SMYD3: variants seen among roughly 807,000 people sequenced by gnomAD.
The protein encoded by SMYD3 is histone-lysine N-methyltransferase SMYD3.
SMYD3 carries 36 observed loss-of-function variants against 57.7 expected under a neutral mutation model. That is an observed-to-expected ratio of 0.62 (90% CI 0.48 to 0.82). The LOEUF (loss-of-function observed/expected upper bound fraction) is 0.82. Ranked by LOEUF, SMYD3 falls within the 40% of genes least tolerant of loss-of-function variation. SMYD3 has a pLI of 0.00. For synonymous variants in SMYD3, 211 were observed against 195.0 expected (o/e 1.08, Z -0.68); for missense variants, 515 against 538.8 (o/e 0.96, Z 0.44).
At chr1:246,068,977 G>C (rs964193076) in intron 5 of SMYD3, among the ~76,000 whole-genome samples, 2 of 152,206 alleles carry the variant, frequency 1.3e-5, no homozygotes, top group Non-Finnish European at 2.9e-5. Context: ...ACCAACATGG[G>C]AAGGAGAAGA....
At chr1:246,414,999 G>A (rs1248922539) in intron 1 of SMYD3, among the ~76,000 whole-genome samples, 5 of 152,250 alleles carry the variant, frequency 3.3e-5, no homozygotes, top group African/African-American at 9.6e-5. Context: ...TTACAGGTGT[G>A]AGCCACCGCG....
intron 10 of SMYD3, among the ~76,000 whole-genome samples, chr1:245,829,370 T>A (rs2049702141): frequency 6.6e-6 from 1 of 152,106 alleles, no homozygotes; most frequent in Non-Finnish European, 1.5e-5. Context: ...CTCCTGAGGT[T>A]CCACACTAGG....
At chr1:246,299,825 G>A (rs2064861254) in intron 5 of SMYD3, among the ~76,000 whole-genome samples, 1 of 151,636 alleles carries the variant, frequency 6.6e-6, no homozygotes, top group African/African-American at 2.4e-5. Flanking sequence ...CAGACACTGG[G>A]GCGCACTTGA....
chr1:246,124,714 C>T (rs186838740), intron 5 of SMYD3, among the ~76,000 whole-genome samples: 34 of 152,256 alleles, frequency 2.2e-4, no homozygotes, highest in Non-Finnish European at 4.4e-4. Flanking sequence ...CAGAAAATAA[C>T]CAGGTGTGAT....
At chr1:245,798,617 C>T (rs566305085) in intron 10 of SMYD3, among the ~76,000 whole-genome samples, 1 of 151,872 alleles carries the variant, frequency 6.6e-6, no homozygotes, top group Non-Finnish European at 1.5e-5. Flanking sequence ...TTGTGATGCC[C>T]AGATGTGTTT....
At chr1:246,302,690 C>T (rs1001961050) in intron 5 of SMYD3, among the ~76,000 whole-genome samples, 2 of 152,046 alleles carry the variant, frequency 1.3e-5, no homozygotes, top group East Asian at 1.9e-4. Flanking sequence ...CTACCCAGCT[C>T]AAGAAAATTA....
chr1:246,396,338 T>C (rs1331974276), intron 1 of SMYD3, among the ~76,000 whole-genome samples: 3 of 152,214 alleles, frequency 2.0e-5, no homozygotes, highest in Admixed American at 6.5e-5. Flanking sequence ...GATTATTCAT[T>C]ATCAAAGCTT....
chr1:245,932,875 G>C (rs1043245254), intron 5 of SMYD3, among the ~76,000 whole-genome samples: 2 of 152,160 alleles, frequency 1.3e-5, no homozygotes, highest in East Asian at 3.9e-4. Flanking sequence ...ATCTATATTA[G>C]TCTGAGTGTT....
At chr1:246,244,637 CAT>C (rs2063672213) in intron 5 of SMYD3, among the ~76,000 whole-genome samples, 1 of 152,156 alleles carries the variant, frequency 6.6e-6, no homozygotes, top group African/African-American at 2.4e-5. Context: ...AGATATAAAA[CAT>C]GTACCATATG....
At chr1:245,940,754 C>A (rs1167592379) in intron 5 of SMYD3, among the ~76,000 whole-genome samples, 1 of 152,174 alleles carries the variant, frequency 6.6e-6, no homozygotes, top group Non-Finnish European at 1.5e-5. Context: ...CATAGTGCCT[C>A]TTCTCCTTCA....
chr1:246,429,386 G>A (rs549913701), intron 1 of SMYD3, among the ~76,000 whole-genome samples: 7 of 152,250 alleles, frequency 4.6e-5, no homozygotes, highest in Admixed American at 1.3e-4. Context: ...AAACAGTATA[G>A]CACTGCCAAG....
At chr1:245,972,029 CACT>C (rs1487204332) in intron 5 of SMYD3, among the ~76,000 whole-genome samples, 13 of 152,164 alleles carry the variant, frequency 8.5e-5, no homozygotes, top group Admixed American at 6.5e-4. Context: ...TCTCGGGCAC[CACT>C]GATGCCTCAC....
intron 10 of SMYD3, among the ~76,000 whole-genome samples, chr1:245,805,266 G>T (rs2048097861): frequency 6.6e-6 from 1 of 150,884 alleles, no homozygotes. Context: ...ATATAAGAGA[G>T]GGGCAAGTTT....
intron 5 of SMYD3, among the ~76,000 whole-genome samples, chr1:246,095,783 G>A (rs2060902904): frequency 6.6e-6 from 1 of 152,202 alleles, no homozygotes; most frequent in Non-Finnish European, 1.5e-5. Flanking sequence ...AGCCAAGGCA[G>A]GAGCATCGCC....
intron 5 of SMYD3, among the ~76,000 whole-genome samples, chr1:245,949,832 C>T (rs1215441488): frequency 7.2e-6 from 1 of 138,006 alleles, no homozygotes; most frequent in African/African-American, 2.6e-5. Flanking sequence ...CCCACCCCCC[C>T]CACCCCCACC....
chr1:246,248,035 T>C (rs903548285), intron 5 of SMYD3, among the ~76,000 whole-genome samples: 2 of 152,136 alleles, frequency 1.3e-5, no homozygotes, highest in Admixed American at 6.6e-5. Flanking sequence ...TTCATTCTAT[T>C]GATGTAAGGT....
At chr1:246,195,034 A>C (rs2148341609) in intron 5 of SMYD3, among the ~76,000 whole-genome samples, 1 of 152,324 alleles carries the variant, frequency 6.6e-6, no homozygotes, top group Admixed American at 6.5e-5. Context: ...AGTCTTTTAC[A>C]AACACTTACT....
In SMYD3 at chr1:245,867,668, G is replaced by GCA. The variant is rs376309765; in HGVS notation, c.814-3784_814-3783dup. Among the ~76,000 whole-genome samples the GCA allele has an allele frequency of 3.4e-3, 512 of 149,052 alleles. 4 individuals are homozygous for GCA. The highest frequency in any genetic ancestry group is 0.013 in the South Asian group (62 of 4,662). ...CATGCGCGTGCGTGTGCGTGCGCGC[G>GCA]CACACACACACACACACACACTCAC... On this transcript the variant is annotated intron_variant, in intron 8 of 11. Coordinates refer to ENST00000490107, the MANE Select transcript of SMYD3 (RefSeq NM_001167740.2).
intron 5 of SMYD3, among the ~76,000 whole-genome samples, chr1:246,266,301 G>A (rs1408087817): frequency 6.6e-6 from 1 of 151,912 alleles, no homozygotes; most frequent in Admixed American, 6.6e-5. Context: ...TTTTAATCGG[G>A]CAACTTTATA....
Sources: gnomAD v4.1 joint callset for allele counts (sites outside exome capture counted in the v4.1 genomes callset) on GRCh38, gnomAD v4.1.1 for gene constraint, MANE v1.5 for transcripts, NCBI Gene and HGNC (gene_info 2026-07-23, HGNC 2026-07-21) for gene names.